Variants in NEBL observed in about 807,000 individuals in gnomAD.
NEBL encodes LIM and SH3 protein 2.
A neutral mutation model predicts 140.2 loss-of-function variants in NEBL; 122 were observed. That is an observed-to-expected ratio of 0.87 (90% CI 0.75 to 1.01). The LOEUF is 1.01. NEBL is among the 50% of genes least tolerant of loss of function. The pLI, the probability that NEBL is intolerant of heterozygous loss-of-function variation, is 0.00. For missense variants in NEBL, 1,365 were observed against 1,231.3 expected (o/e 1.11, Z -1.62); for synonymous variants, 436 against 398.9 (o/e 1.09, Z -1.11).
rs963538145 is a variant in NEBL, at chr10:20,967,830, C to T, written c.250-6051G>A. Among the ~76,000 whole-genome samples, 5 of 152,250 alleles carry T rather than the reference C, an allele frequency of 3.3e-5. No individual in the cohort carries two copies. In the East Asian group the frequency reaches 9.7e-4, roughly 29 times the overall value. ...TCACCCTACAAAACTTGCATGTACA[C>T]ATTATATATAATCTTTTGTGTTGAT... On this transcript the variant is annotated intron_variant, in intron 3 of 6. Transcript: ENST00000417816.
At chr10:21,124,482 C>A (rs184028560) in intron 2 of NEBL, among the ~76,000 whole-genome samples, 1 of 152,272 alleles carries the variant, frequency 6.6e-6, no homozygotes, top group East Asian at 1.9e-4. Flanking sequence ...TCTCCCTGAG[C>A]TGTCTAAAGA....
In NEBL at chr10:20,780,616, G is replaced by C. The variant is rs185544685; in HGVS notation, c.*5131C>G. The C allele has an allele frequency of 2.6e-5, 4 of 152,298 alleles. No homozygotes were observed. Among genetic ancestry groups the C allele is most frequent in the Admixed American group, 2.0e-4 (3 of 15,302 alleles). 9.4% of individuals were successfully genotyped at this position (152,298 alleles called of 1,614,324 possible). On this transcript the variant is annotated 3_prime_UTR_variant, in exon 28 of 28. Coordinates refer to ENST00000377122, the MANE Select transcript of NEBL (RefSeq NM_006393.3). ...AACCCATGCTCCAAGAAACCACGGT[G>C]AGAGCCAAGAAGTGAACCATTTTTT...
chr10:21,261,874 C>G (rs956068958), intron 1 of NEBL, among the ~76,000 whole-genome samples: 1 of 152,038 alleles, frequency 6.6e-6, no homozygotes, highest in Non-Finnish European at 1.5e-5. Context: ...CCTGCTGAGA[C>G]GTGCACACTC....
intron 16 of NEBL, 192 bp downstream of exon 16, chr10:20,831,004 T>C: frequency 4.8e-6 from 3 of 626,908 alleles, no homozygotes; most frequent in African/African-American, 1.8e-5. Flanking sequence ...TAATGTCTGT[T>C]GCATTGAATC....
intron 2 of NEBL, among the ~76,000 whole-genome samples, chr10:21,060,349 G>A (rs1835218825): frequency 6.6e-6 from 1 of 152,108 alleles, no homozygotes; most frequent in Admixed American, 6.5e-5. Flanking sequence ...TCAGCTAATG[G>A]GGTAAAAGTC....
intron 2 of NEBL, among the ~76,000 whole-genome samples, chr10:21,067,151 A>T (rs1227608802): frequency 1.2e-4 from 18 of 151,368 alleles, no homozygotes; most frequent in South Asian, 2.1e-4. Flanking sequence ...TTTGGTATTT[A>T]TAGTAGAGAT....
intron 1 of NEBL, among the ~76,000 whole-genome samples, chr10:21,281,451 C>G (rs1216901488): frequency 1.3e-5 from 2 of 151,750 alleles, no homozygotes; most frequent in Middle Eastern, 3.2e-3. Flanking sequence ...TACACACCAC[C>G]ACTCTCTGCT....
chr10:20,819,167 C>T (rs1187231338), intron 20 of NEBL: 8 of 848,854 alleles, frequency 9.4e-6, no homozygotes, highest in Non-Finnish European at 1.3e-5. Context: ...ATCACCCCGG[C>T]ATTAAGCCCA....
chr10:20,833,262 T>C (rs1219009222), intron 14 of NEBL, among the ~76,000 whole-genome samples: 2 of 152,186 alleles, frequency 1.3e-5, no homozygotes, highest in South Asian at 2.1e-4. Flanking sequence ...TGATGTCTCA[T>C]TGGCTAAAGA....
At chr10:20,955,423 G>C (rs900098747) in intron 4 of NEBL, among the ~76,000 whole-genome samples, 1 of 152,182 alleles carries the variant, frequency 6.6e-6, no homozygotes, top group Non-Finnish European at 1.5e-5. Context: ...GGATCAGGGG[G>C]CTGGGCTGTC....
chr10:21,023,372 A>G (rs1181141742), intron 2 of NEBL, among the ~76,000 whole-genome samples: 1 of 152,148 alleles, frequency 6.6e-6, no homozygotes, highest in Non-Finnish European at 1.5e-5. Context: ...GCTTTGGGGA[A>G]CAACCTTCTT....
chr10:21,188,794 C>T (rs771628607), intron 3 of NEBL, among the ~76,000 whole-genome samples: 2 of 151,570 alleles, frequency 1.3e-5, no homozygotes, highest in Admixed American at 1.3e-4. Flanking sequence ...TTCATCACGT[C>T]GGCCAGGCTG....
Position 20,818,940 on chromosome 10 carries a change from T to A in NEBL, c.2055+484A>T, listed in dbSNP as rs555761444. 6.7e-5 allele frequency: 65 copies of A among 968,230 alleles called. No individual in the cohort carries two copies. In the African/African-American group the frequency reaches 1.0e-3, roughly 15 times the overall value. 60.0% of individuals were successfully genotyped at this position (968,230 alleles called of 1,614,324 possible). A position where few individuals can be genotyped will look rare whatever the true frequency, so the allele number is the denominator to read the frequency against. ...TTATTAAATCTGGAGATATTCCGTT[T>A]ATCATCATCGTTATTATTGCAGTTG... On this transcript the variant is annotated intron_variant, in intron 20 of 27. Transcript: ENST00000377122.
rs1335249131 is a variant in NEBL at position 20,859,780 on chromosome 10, T to C, written c.731A>G (p.His244Arg). 6.3e-7 allele frequency: 1 copy of C among 1,599,880 alleles called. No individual in the cohort carries two copies. ...KFDNEMKDKK[H>R]HYNPLESASF... ...AGCACTTTCAAGAGGATTGTAATGA[T>C]GTTTCTTATCCTTCATTTCATTATC... Residue 244 changes from histidine (H) to arginine (R), a missense_variant, in exon 8 of 28, where the codon CAT (histidine) becomes CGT (arginine). Transcript: ENST00000377122.
chr10:21,124,546 G>A (rs7077975), intron 2 of NEBL, among the ~76,000 whole-genome samples: 16,158 of 152,194 alleles, frequency 0.11, 905 homozygotes, highest in Non-Finnish European at 0.13. Context: ...CTTTTAACAA[G>A]TTAAGCAGAA....
intron 2 of NEBL, among the ~76,000 whole-genome samples, chr10:21,113,608 C>T (rs1011681673): frequency 1.3e-5 from 2 of 152,038 alleles, no homozygotes; most frequent in African/African-American, 4.8e-5. Flanking sequence ...CTTTCCTTAC[C>T]ATGTTTGATA....
At chr10:21,110,914 T>A in intron 2 of NEBL, 1 of 548,032 alleles carries the variant, frequency 1.8e-6, no homozygotes, top group East Asian at 3.3e-5. Context: ...ACAAAATCAA[T>A]GTGCAAAAAT....
intron 1 of NEBL, among the ~76,000 whole-genome samples, chr10:21,283,187 G>A (rs1316239941): frequency 6.7e-6 from 1 of 149,234 alleles, no homozygotes. Flanking sequence ...AAACCCACCA[G>A]AACCAAAATG....
chr10:21,132,965 A>C (rs1839183850), intron 2 of NEBL, among the ~76,000 whole-genome samples: 1 of 152,218 alleles, frequency 6.6e-6, no homozygotes. Context: ...CTTGAAGGAC[A>C]GGTGTTTTTA....
Sources: gnomAD v4.1 joint callset for allele counts (sites outside exome capture counted in the v4.1 genomes callset) on GRCh38, gnomAD v4.1.1 for gene constraint, MANE v1.5 for transcripts, NCBI Gene and HGNC (gene_info 2026-07-23, HGNC 2026-07-21) for gene names.